The following PDE11A variants were observed in gnomAD, a reference collection of about 807,000 sequenced individuals.
PDE11A encodes the protein phosphodiesterase 11A.
In PDE11A, 100 loss-of-function variants were observed where a neutral mutation model predicts 100.5. That is an observed-to-expected ratio of 1.00 (90% CI 0.85 to 1.18). PDE11A has a LOEUF of 1.18. PDE11A is among the 50% of genes most tolerant of loss of function. The probability of loss-of-function intolerance (pLI) is 0.00; values close to 1 mark genes in which losing one functional copy is unlikely to be tolerated. For synonymous variants in PDE11A, 381 were observed against 420.8 expected (o/e 0.91, Z 1.16); for missense variants, 1,141 against 1,152.6 (o/e 0.99, Z 0.15).
At chr2:177,910,415 T>A (rs2084860317) in intron 2 of PDE11A, among the ~76,000 whole-genome samples, 1 of 15,786 alleles carries the variant, frequency 6.3e-5, no homozygotes, top group Admixed American at 1.6e-3. Context: ...TCTCTCTGTC[T>A]CTCTCTCTCT....
intron 2 of PDE11A, among the ~76,000 whole-genome samples, chr2:177,995,623 ACATT>A (rs1316532978): frequency 6.8e-6 from 1 of 146,732 alleles, no homozygotes. Flanking sequence ...AATGCCCATG[ACATT>A]AAATACTCCA....
At chr2:177,697,266 T>C (rs1436212828) in intron 15 of PDE11A, 66 bp downstream of exon 15, 3 of 818,730 alleles carry the variant, frequency 3.7e-6, no homozygotes, top group African/African-American at 3.3e-5. Flanking sequence ...ACCTCCAGTG[T>C]AGACCTGGAG....
intron 10 of PDE11A, among the ~76,000 whole-genome samples, chr2:177,757,200 C>T (rs900327122): frequency 6.6e-6 from 1 of 152,160 alleles, no homozygotes; most frequent in African/African-American, 2.4e-5. Context: ...CAAAAACTGG[C>T]CTGGCAGCTG....
intron 15 of PDE11A, among the ~76,000 whole-genome samples, chr2:177,695,511 GTATGGCT>G (rs1280522865): frequency 6.6e-6 from 1 of 152,196 alleles, no homozygotes; most frequent in Non-Finnish European, 1.5e-5. Flanking sequence ...AACCCTGGGT[GTATGGCT>G]TATAGACTCC....
chr2:177,988,817 A>G (rs1287535913), intron 2 of PDE11A, among the ~76,000 whole-genome samples: 1 of 152,228 alleles, frequency 6.6e-6, no homozygotes, highest in Non-Finnish European at 1.5e-5. Context: ...AAGCCTGGTC[A>G]TATGACAGGT....
chr2:177,715,369 T>G (rs1012311435), intron 12 of PDE11A, among the ~76,000 whole-genome samples: 1 of 152,226 alleles, frequency 6.6e-6, no homozygotes, highest in Non-Finnish European at 1.5e-5. Context: ...AGATATGCTT[T>G]GGGTTGGAAC....
chr2:177,625,469 C>T lies in PDE11A; in HGVS notation c.*3938G>A. 6.6e-6 allele frequency: 1 copy of T among 152,462 alleles called. No homozygotes were observed. Among genetic ancestry groups the T allele is most frequent in the East Asian group, 1.9e-4 (1 of 5,180 alleles). The allele number at this position is 152,462 out of a possible 1,614,324, so 9.4% of individuals were successfully genotyped here. A position where few individuals can be genotyped will look rare whatever the true frequency, so the allele number is the denominator to read the frequency against. Reference sequence around the variant, plus strand: ...ACCCTTTGCAGTATGTGAAGCTGTCCCTACCCACCAGGATTGCCACTACAT... The same window carrying T: ...ACCCTTTGCAGTATGTGAAGCTGTCTCTACCCACCAGGATTGCCACTACAT... On this transcript the variant is annotated 3_prime_UTR_variant, in exon 20 of 20. Coordinates refer to ENST00000286063, the MANE Select transcript of PDE11A (RefSeq NM_016953.4).
chr2:177,833,959 G>A (rs983997273), intron 6 of PDE11A, among the ~76,000 whole-genome samples: 1 of 152,220 alleles, frequency 6.6e-6, no homozygotes, highest in Admixed American at 6.5e-5. Context: ...ATGCACTGGG[G>A]GAATGGTGTG....
At chr2:177,847,680 C>G (rs771745546) in intron 5 of PDE11A, among the ~76,000 whole-genome samples, 3 of 152,190 alleles carry the variant, frequency 2.0e-5, no homozygotes, top group African/African-American at 7.2e-5. Context: ...CTTGAGGGAG[C>G]CTGACCCGTA....
intron 4 of PDE11A, 146 bp from the exon 5 acceptor site, chr2:177,876,069 T>G (rs970094673): frequency 2.9e-6 from 2 of 679,416 alleles, no homozygotes; most frequent in Admixed American, 2.2e-5. Flanking sequence ...CAAGACAGAG[T>G]AGAAGAGGAG....
chr2:178,095,158 G>T (rs2087471787), intron 2 of PDE11A, among the ~76,000 whole-genome samples: 1 of 152,120 alleles, frequency 6.6e-6, no homozygotes, highest in African/African-American at 2.4e-5. Context: ...AAAGTCCATA[G>T]TCAAAAGTCT....
intron 10 of PDE11A, 58 bp from the exon 11 acceptor site, chr2:177,728,230 C>G: frequency 6.8e-7 from 1 of 1,480,478 alleles, no homozygotes; most frequent in South Asian, 1.1e-5. Context: ...AAACCCCCAT[C>G]CTGCTCTCCT....
chr2:177,813,238 T>A (rs2082978341), intron 9 of PDE11A, among the ~76,000 whole-genome samples: 1 of 152,224 alleles, frequency 6.6e-6, no homozygotes, highest in South Asian at 2.1e-4. Flanking sequence ...AGCCTGCTCC[T>A]TTCTTGGAGT....
At chr2:178,094,608 T>C (rs901840867) in intron 2 of PDE11A, among the ~76,000 whole-genome samples, 3 of 152,130 alleles carry the variant, frequency 2.0e-5, no homozygotes, top group African/African-American at 7.2e-5. Context: ...ATGAAAATCA[T>C]AGCCATATTT....
intron 2 of PDE11A, among the ~76,000 whole-genome samples, chr2:177,993,897 T>C (rs2086035752): frequency 6.6e-6 from 1 of 151,880 alleles, no homozygotes; most frequent in Admixed American, 6.6e-5. Flanking sequence ...TGAGTTAATA[T>C]ATATGTATAT....
At chr2:178,085,607 G>C (rs987777262) in intron 2 of PDE11A, among the ~76,000 whole-genome samples, 2 of 152,078 alleles carry the variant, frequency 1.3e-5, no homozygotes, top group East Asian at 3.9e-4. Flanking sequence ...AATGTTACTA[G>C]TGTATTTGGT....
intron 2 of PDE11A, among the ~76,000 whole-genome samples, chr2:177,982,940 C>G (rs1054679003): frequency 2.0e-5 from 3 of 150,234 alleles, no homozygotes; most frequent in African/African-American, 7.3e-5. Flanking sequence ...ATTAGCCAGA[C>G]GGGGTGGCAC....
chr2:177,954,088 T>C (rs1382662388), intron 2 of PDE11A, among the ~76,000 whole-genome samples: 1 of 151,580 alleles, frequency 6.6e-6, no homozygotes, highest in East Asian at 1.9e-4. Context: ...AGAATGCTCT[T>C]TCCTATTCTC....
chr2:178,064,990 G>A (rs1483311082), intron 1 of PDE11A, among the ~76,000 whole-genome samples: 1 of 151,792 alleles, frequency 6.6e-6, no homozygotes, highest in Non-Finnish European at 1.5e-5. Context: ...AAAAACCTCA[G>A]GAATTATAGA....
Sources: allele counts gnomAD v4.1 joint callset (sites outside exome capture counted in the v4.1 genomes callset), GRCh38; gene constraint gnomAD v4.1.1; transcripts MANE v1.5; gene names NCBI Gene and HGNC (gene_info 2026-07-23, HGNC 2026-07-21).